CACNB2: variants seen among roughly 807,000 people sequenced by gnomAD.
CACNB2 encodes the protein voltage-dependent L-type calcium channel subunit beta-2.
CACNB2 carries 42 observed loss-of-function variants against 73.3 expected under a neutral mutation model. The ratio of observed to expected loss-of-function variants is 0.57; its 90% CI spans 0.45 to 0.74. The LOEUF (loss-of-function observed/expected upper bound fraction) is 0.74. Among genes scored for constraint, CACNB2 ranks in the 30% least tolerant of loss-of-function variants. The pLI, the probability that CACNB2 is intolerant of heterozygous loss-of-function variation, is 0.00. For missense variants in CACNB2, 940 were observed against 853.0 expected (o/e 1.10, Z -1.27); for synonymous variants, 348 against 310.3 (o/e 1.12, Z -1.28).
chr10:18,406,535 G>A (rs962419781), intron 3 of CACNB2, among the ~76,000 whole-genome samples: 2 of 152,122 alleles, frequency 1.3e-5, no homozygotes, highest in African/African-American at 2.4e-5. Context: ...GTGAGCGATC[G>A]AGGTTGCGCA....
At chr10:18,164,456 T>A (rs535182555) in intron 2 of CACNB2, among the ~76,000 whole-genome samples, 1 of 152,168 alleles carries the variant, frequency 6.6e-6, no homozygotes, top group Admixed American at 6.5e-5. Flanking sequence ...AATTACCCTC[T>A]TTTGGAAGAA....
chr10:18,264,069 A>C (rs1446408719), intron 2 of CACNB2, among the ~76,000 whole-genome samples: 1 of 152,234 alleles, frequency 6.6e-6, no homozygotes, highest in East Asian at 1.9e-4. Flanking sequence ...AGGATATATA[A>C]ACATGGTAAG....
chr10:18,332,571 T>C (rs931329950), intron 2 of CACNB2, among the ~76,000 whole-genome samples: 1 of 152,076 alleles, frequency 6.6e-6, no homozygotes, highest in African/African-American at 2.4e-5. Flanking sequence ...TCTTTCAGCA[T>C]AGGTGAGAAG....
intron 2 of CACNB2, among the ~76,000 whole-genome samples, chr10:18,373,940 T>C (rs2132311673): frequency 6.6e-6 from 1 of 152,304 alleles, no homozygotes. Context: ...CTTGAAGACT[T>C]GTGTAGAGGA....
chr10:18,274,956 A>G (rs961809681), intron 2 of CACNB2, among the ~76,000 whole-genome samples: 2 of 152,188 alleles, frequency 1.3e-5, no homozygotes, highest in African/African-American at 2.4e-5. Flanking sequence ...CATGATTGAC[A>G]CTACAATCAG....
intron 2 of CACNB2, among the ~76,000 whole-genome samples, chr10:18,249,954 G>A (rs1016203874): frequency 9.9e-5 from 15 of 152,092 alleles, no homozygotes; most frequent in African/African-American, 3.4e-4. Context: ...TCATGTGAAT[G>A]GTTGCTCAGC....
At position 18,488,411 on chromosome 10, in the gene CACNB2, C is replaced by T. The variant is rs530871074; in HGVS notation, c.334-9944C>T. On this transcript the variant is annotated intron_variant, in intron 3 of 13. Transcript: ENST00000324631. ...AATGACGTGAACCTGGAAGGCGGAG[C>T]TTGCAGTGAGCCAAAATCACACCAC... is the stretch of plus-strand genomic sequence containing the variant. 6.7e-5 allele frequency among the ~76,000 whole-genome samples: 9 copies of T among 133,678 alleles called. No individual in the cohort carries two copies. In the South Asian group the frequency reaches 1.9e-3, roughly 29 times the overall value. 87.7% of individuals were successfully genotyped at this position (133,678 alleles called of 152,430 possible). A position where few individuals can be genotyped will look rare whatever the true frequency, so the allele number is the denominator to read the frequency against.
At chr10:18,364,185 A>T (rs2042254437) in intron 2 of CACNB2, among the ~76,000 whole-genome samples, 1 of 151,936 alleles carries the variant, frequency 6.6e-6, no homozygotes, top group Non-Finnish European at 1.5e-5. Context: ...ACCTCAGGTG[A>T]TCAGGTGATC....
chr10:18,464,408 T>C (rs1251857576), intron 3 of CACNB2, among the ~76,000 whole-genome samples: 1 of 42,236 alleles, frequency 2.4e-5, no homozygotes, highest in Non-Finnish European at 5.1e-5. Context: ...TGAGACCCTG[T>C]CTCAAAAATT....
intron 2 of CACNB2, among the ~76,000 whole-genome samples, chr10:18,268,034 A>C (rs778743247): frequency 6.6e-6 from 1 of 152,234 alleles, no homozygotes; most frequent in Non-Finnish European, 1.5e-5. Context: ...TAAGTACTCA[A>C]GTAAATGTGA....
At chr10:18,408,830 T>C (rs2044445579) in intron 3 of CACNB2, among the ~76,000 whole-genome samples, 1 of 152,138 alleles carries the variant, frequency 6.6e-6, no homozygotes, top group South Asian at 2.1e-4. Context: ...TATTTTTTCT[T>C]ACTACTAGTT....
At chr10:18,208,822 A>G (rs751162881) in intron 2 of CACNB2, among the ~76,000 whole-genome samples, 15 of 151,314 alleles carry the variant, frequency 9.9e-5, no homozygotes, top group Non-Finnish European at 2.1e-4. Context: ...AGAAGATACG[A>G]CGTTTAGAGA....
Position 18,192,219 on chromosome 10 carries a change from C to T in CACNB2, c.213+41244C>T, listed in dbSNP as rs144075339. On this transcript the variant is annotated intron_variant, in intron 2 of 13. Transcript: ENST00000324631. ...CAGTGGATTTCATCACCTGAACCTTCAAGGATTCTTTGTCTGTACCAGGCA... is the reference window on the plus strand; with the variant it reads ...CAGTGGATTTCATCACCTGAACCTTTAAGGATTCTTTGTCTGTACCAGGCA... Among the ~76,000 whole-genome samples, 466 of 152,214 alleles carry T rather than the reference C, an allele frequency of 3.1e-3. 4 individuals carry two copies. Among genetic ancestry groups the T allele is most frequent in the African/African-American group, 0.011 (444 of 41,530 alleles).
intron 3 of CACNB2, among the ~76,000 whole-genome samples, chr10:18,402,257 A>C (rs1379813789): frequency 6.6e-6 from 1 of 152,176 alleles, no homozygotes; most frequent in African/African-American, 2.4e-5. Flanking sequence ...TTTATAATCC[A>C]AGCAACTCTT....
chr10:18,381,533 C>T (rs2043017068), intron 2 of CACNB2, among the ~76,000 whole-genome samples: 1 of 151,690 alleles, frequency 6.6e-6, no homozygotes, highest in Non-Finnish European at 1.5e-5. Flanking sequence ...ACTAAAAATA[C>T]AAAAATTAGC....
intron 2 of CACNB2, among the ~76,000 whole-genome samples, chr10:18,376,114 T>A (rs1321317029): frequency 6.6e-6 from 1 of 152,118 alleles, no homozygotes; most frequent in Non-Finnish European, 1.5e-5. Context: ...AGCAGATGAA[T>A]GGATAAAGAA....
At position 18,542,059 on chromosome 10, in the gene CACNB2, T is replaced by C. The variant is rs750869264; in HGVS notation, c.*2335T>C. 1.3e-5 allele frequency: 2 copies of C among 151,972 alleles called. No individual in the cohort carries two copies. The highest frequency in any genetic ancestry group is 2.4e-5 in the African/African-American group (1 of 41,442). 9.4% of individuals were successfully genotyped at this position (151,972 alleles called of 1,614,324 possible). A position where few individuals can be genotyped will look rare whatever the true frequency, so the allele number is the denominator to read the frequency against. Reference sequence around the variant, plus strand: ...ATTAAAAATGATTAAGCTGGGGTGGTAGAGTATACCTGTAGACCCAGCTAC... The same window carrying C: ...ATTAAAAATGATTAAGCTGGGGTGGCAGAGTATACCTGTAGACCCAGCTAC... On this transcript the variant is annotated 3_prime_UTR_variant, in exon 14 of 14. Coordinates refer to ENST00000324631, the MANE Select transcript of CACNB2 (RefSeq NM_201596.3).
intron 2 of CACNB2, among the ~76,000 whole-genome samples, chr10:18,339,740 A>G (rs2041157617): frequency 6.6e-6 from 1 of 152,228 alleles, no homozygotes; most frequent in African/African-American, 2.4e-5. Context: ...ATAAACATTT[A>G]TTTAAGAACA....
intron 3 of CACNB2, among the ~76,000 whole-genome samples, chr10:18,431,332 ACTT>A (rs1005977489): frequency 2.0e-5 from 3 of 151,856 alleles, no homozygotes; most frequent in African/African-American, 7.3e-5. Context: ...GGCTCATTTA[ACTT>A]CTTCATCCAT....
Sources: allele counts gnomAD v4.1 joint callset (sites outside exome capture counted in the v4.1 genomes callset), GRCh38; gene constraint gnomAD v4.1.1; transcripts MANE v1.5; gene names NCBI Gene and HGNC (gene_info 2026-07-23, HGNC 2026-07-21).